The following TBC1D32 variants were observed in gnomAD, a reference collection of about 807,000 sequenced individuals.
TBC1D32 encodes the protein TBC1 domain family member 32.
Under a neutral mutation model 170.3 loss-of-function variants are expected in TBC1D32, and 151 were observed. The ratio of observed to expected loss-of-function variants is 0.89; its 90% CI spans 0.78 to 1.01. TBC1D32 has a LOEUF of 1.01. Among genes scored for constraint, TBC1D32 ranks in the 50% least tolerant of loss-of-function variants. TBC1D32 has a pLI of 0.00. For missense variants in TBC1D32, 1,464 were observed against 1,457.1 expected (o/e 1.00, Z -0.08); for synonymous variants, 498 against 488.0 (o/e 1.02, Z -0.27).
chr6:121,331,518 C>T (rs545913288), intron 1 of TBC1D32, among the ~76,000 whole-genome samples: 1 of 152,134 alleles, frequency 6.6e-6, no homozygotes, highest in Admixed American at 6.5e-5. Context: ...CCATGCCCAG[C>T]CTCCCCTATA....
At chr6:121,091,132 C>A in intron 30 of TBC1D32, 91 bp from the exon 31 acceptor site, 1 of 1,040,134 alleles carries the variant, frequency 9.6e-7, no homozygotes, top group Non-Finnish European at 1.4e-6. Context: ...CATACAAAAC[C>A]AGTGAAAAGC....
chr6:121,194,273 G>A (rs9375009), intron 22 of TBC1D32, among the ~76,000 whole-genome samples: 1 of 151,942 alleles, frequency 6.6e-6, no homozygotes, highest in Admixed American at 6.6e-5. Flanking sequence ...CTGGCAGAAT[G>A]CCCACATTGA....
In TBC1D32 at chr6:121,130,141, C is replaced by G. The variant is rs138161561; in HGVS notation, c.2899+1486G>C. Among the ~76,000 whole-genome samples, 1,403 of 152,032 alleles carry G rather than the reference C, an allele frequency of 9.2e-3. 23 individuals carry two copies. Among genetic ancestry groups the G allele is most frequent in the African/African-American group, 0.032 (1,320 of 41,458 alleles). On this transcript the variant is annotated intron_variant, in intron 25 of 31. Coordinates refer to ENST00000398212, the MANE Select transcript of TBC1D32 (RefSeq NM_152730.6). ...GAGATTTTGCCCCAAAACTATAGCC[C>G]ATAAAAAGGAACCAAAAACTTTTAG...
chr6:121,245,856 G>T (rs1797525958), intron 17 of TBC1D32, among the ~76,000 whole-genome samples: 1 of 152,070 alleles, frequency 6.6e-6, no homozygotes, highest in African/African-American at 2.4e-5. Context: ...CTGAACACTG[G>T]AACAGTTGTG....
intron 30 of TBC1D32, among the ~76,000 whole-genome samples, chr6:121,103,061 G>A (rs1582784348): frequency 2.0e-5 from 3 of 152,174 alleles, no homozygotes; most frequent in East Asian, 3.9e-4. Context: ...TTAGAATGGA[G>A]ATCATTAAAA....
chr6:121,175,499 G>A (rs553301397), intron 22 of TBC1D32, among the ~76,000 whole-genome samples: 2 of 152,306 alleles, frequency 1.3e-5, no homozygotes, highest in African/African-American at 2.4e-5. Flanking sequence ...TTGTGACCAA[G>A]CACAGCTCAT....
intron 26 of TBC1D32, among the ~76,000 whole-genome samples, chr6:121,124,312 A>G (rs1780599241): frequency 6.6e-6 from 1 of 151,812 alleles, no homozygotes. Flanking sequence ...TTCTTGGTTT[A>G]CATGTTTTTA....
intron 15 of TBC1D32, among the ~76,000 whole-genome samples, chr6:121,262,248 C>A (rs559730371): frequency 1.3e-5 from 2 of 152,124 alleles, no homozygotes; most frequent in South Asian, 4.2e-4. Context: ...GCAGGACAGG[C>A]CAACATTCAA....
At chr6:121,088,909 A>G (rs1351399739) in intron 31 of TBC1D32, among the ~76,000 whole-genome samples, 1 of 152,194 alleles carries the variant, frequency 6.6e-6, no homozygotes, top group African/African-American at 2.4e-5. Flanking sequence ...TATGCTGAAA[A>G]CACAATGGAG....
At position 121,171,244 on chromosome 6, in the gene TBC1D32, A is replaced by G. The variant is rs1056557874; in HGVS notation, c.2571-10188T>C. Among the ~76,000 whole-genome samples the G allele has an allele frequency of 1.1e-4, 17 of 151,524 alleles. No individual in the cohort carries two copies. In the South Asian group the frequency reaches 1.5e-3, roughly 13 times the overall value. On this transcript the variant is annotated intron_variant, in intron 22 of 31. Transcript: ENST00000398212. The stretch of plus-strand genomic sequence containing the variant: ...ATTCAGAGTTTTGAGAATCCTACAC[A>G]TTATTATATATATATTATTTGTTCA...
intron 30 of TBC1D32, chr6:121,096,086 A>G (rs777456060): frequency 6.6e-6 from 1 of 152,072 alleles, no homozygotes; most frequent in Non-Finnish European, 1.5e-5. Context: ...TTGGTAGGGT[A>G]TTAATTACTG....
In TBC1D32 at chr6:121,304,766, T is replaced by C. The variant is rs1807063028; in HGVS notation, c.758A>G (p.Tyr253Cys). ...TTTCACAAACATACCTAAGCTTGTATAAATTTCCTTGGTCATATGTAATGG... is the reference window on the plus strand; with the variant it reads ...TTTCACAAACATACCTAAGCTTGTACAAATTTCCTTGGTCATATGTAATGG... ...LSPLHMTKEIYTSLAKYLESY... is the reference protein window; with the variant it reads ...LSPLHMTKEICTSLAKYLESY... The change falls in exon 6 of 32, where the codon TAT (tyrosine) becomes TGT (cysteine). Residue 253 changes from tyrosine (Y) to cysteine (C), a missense_variant. By Grantham distance (194) the Tyr-to-Cys change is radical (BLOSUM62 -2). Coordinates refer to ENST00000398212, the MANE Select transcript of TBC1D32 (RefSeq NM_152730.6). The C allele has an allele frequency of 3.1e-6, 5 of 1,604,532 alleles. No homozygotes were observed. The East Asian group carries it at 1.1e-4, about 36-fold the overall frequency.
At chr6:121,226,201 G>A (rs549164790) in intron 20 of TBC1D32, among the ~76,000 whole-genome samples, 1 of 152,172 alleles carries the variant, frequency 6.6e-6, no homozygotes, top group African/African-American at 2.4e-5. Flanking sequence ...TAGGAATAAA[G>A]GCATGGTCCC....
Position 121,252,233 on chromosome 6 carries a change from G to A in TBC1D32, c.2018+3095C>T, listed in dbSNP as rs554031192. Among the ~76,000 whole-genome samples, 109 of 152,188 alleles carry A rather than the reference G, an allele frequency of 7.2e-4. 1 individual carries two copies. Among genetic ancestry groups the A allele is most frequent in the African/African-American group, 2.5e-3 (105 of 41,514 alleles). ...CAATCCCATTACTGGGTATATACCC[G>A]AAGGATTATGAATCATTCTACTATA... On this transcript the variant is annotated intron_variant, in intron 17 of 31. Transcript: ENST00000398212.
intron 22 of TBC1D32, among the ~76,000 whole-genome samples, chr6:121,198,729 C>T (rs957662503): frequency 5.3e-5 from 8 of 150,584 alleles, no homozygotes; most frequent in Non-Finnish European, 1.0e-4. Flanking sequence ...CTAGCCTGGG[C>T]GACAGAGCGA....
chr6:121,323,355 T>C (rs1810015021), intron 1 of TBC1D32, among the ~76,000 whole-genome samples: 1 of 152,168 alleles, frequency 6.6e-6, no homozygotes, highest in Non-Finnish European at 1.5e-5. Flanking sequence ...CCAAACACTG[T>C]AGTCATATTA....
At chr6:121,118,421 A>C (rs1779902150) in intron 26 of TBC1D32, among the ~76,000 whole-genome samples, 1 of 152,224 alleles carries the variant, frequency 6.6e-6, no homozygotes, top group Admixed American at 6.5e-5. Context: ...ACTTTTAACT[A>C]TAAATGCAAT....
At chr6:121,143,831 A>C (rs1322005755) in intron 24 of TBC1D32, among the ~76,000 whole-genome samples, 1 of 151,804 alleles carries the variant, frequency 6.6e-6, no homozygotes, top group Non-Finnish European at 1.5e-5. Context: ...TTTTTCATTG[A>C]GTTCACAGAA....
chr6:121,121,117 A>G (rs1228527936), intron 26 of TBC1D32, among the ~76,000 whole-genome samples: 2 of 152,058 alleles, frequency 1.3e-5, no homozygotes, highest in African/African-American at 4.8e-5. Context: ...CAATTTAGCC[A>G]TATACAATAT....
Sources: allele counts gnomAD v4.1 joint callset (sites outside exome capture counted in the v4.1 genomes callset), GRCh38; gene constraint gnomAD v4.1.1; transcripts MANE v1.5; gene names NCBI Gene and HGNC (gene_info 2026-07-23, HGNC 2026-07-21).